The following ABCC4 variants were observed in gnomAD, a reference collection of about 807,000 sequenced individuals.
ABCC4 encodes ATP binding cassette subfamily C member 4 (PEL blood group).
Under a neutral mutation model 168.5 loss-of-function variants are expected in ABCC4, and 102 were observed. The ratio of observed to expected loss-of-function variants is 0.61; its 90% CI spans 0.52 to 0.71. The LOEUF is 0.71. Among genes scored for constraint, ABCC4 ranks in the 30% least tolerant of loss-of-function variants. ABCC4 has a pLI of 0.00. For synonymous variants in ABCC4, 617 were observed against 590.7 expected, an observed-to-expected ratio of 1.04 and a Z score of -0.65; for missense variants, 1,402 against 1,605.8, an observed-to-expected ratio of 0.87 and a Z score of 2.17.
chr13:95,250,936 T>C (rs1342645368), intron 1 of ABCC4, among the ~76,000 whole-genome samples: 1 of 151,968 alleles, frequency 6.6e-6, no homozygotes, highest in Non-Finnish European at 1.5e-5. Flanking sequence ...TACAGGCACA[T>C]GCCACTGTGC....
At chr13:95,278,343 G>A (rs2041024910) in intron 1 of ABCC4, among the ~76,000 whole-genome samples, 1 of 152,102 alleles carries the variant, frequency 6.6e-6, no homozygotes, top group Non-Finnish European at 1.5e-5. Flanking sequence ...GATACTCTTA[G>A]GAGTGAAAGG....
At chr13:95,143,527 C>T (rs1366298244) in intron 19 of ABCC4, among the ~76,000 whole-genome samples, 2 of 152,124 alleles carry the variant, frequency 1.3e-5, no homozygotes, top group Non-Finnish European at 2.9e-5. Flanking sequence ...CTCTTTCTCT[C>T]CTTTTTATTA....
At chr13:95,057,001 T>TA (rs1273580346) in intron 26 of ABCC4, among the ~76,000 whole-genome samples, 1 of 152,172 alleles carries the variant, frequency 6.6e-6, no homozygotes, top group Non-Finnish European at 1.5e-5. Context: ...TAATCCATCC[T>TA]AAAAAAAGTT....
chr13:95,119,801 G>A (rs370484495), intron 19 of ABCC4, among the ~76,000 whole-genome samples: 59 of 152,164 alleles, frequency 3.9e-4, no homozygotes, highest in East Asian at 3.3e-3. Context: ...CATATTTTAC[G>A]TCTCATAAAA....
Position 95,234,693 on chromosome 13 carries a change from T to A in ABCC4, c.448A>T (p.Ile150Leu). The A allele has an allele frequency of 6.2e-7, 1 of 1,614,134 alleles. No individual in the cohort carries two copies. Among genetic ancestry groups the A allele is most frequent in the South Asian group, 1.1e-5 (1 of 91,072 alleles). The change falls in exon 4 of 31, where the codon ATA becomes TTA. Residue 150 changes from isoleucine to leucine, a missense_variant. Ile to Leu is a conservative substitution (Grantham distance 5). This residue lies in a region of ABCC4 where 317 missense variants were observed against 345.5 expected (regional missense o/e 0.92). Coordinates refer to ENST00000645237, the MANE Select transcript of ABCC4 (RefSeq NM_005845.5). ...TGATAAAAATATAAGTGATGCAGTA[T>A]AGCCAAAATGAGCGTGCAAAAAGTC... ...VLTFCTLILA[I>L]LHHLYFYHVQ...
intron 16 of ABCC4, among the ~76,000 whole-genome samples, 172 bp downstream of exon 16, chr13:95,164,206 C>T (rs1729762): frequency 0.034 from 5,172 of 151,482 alleles, 267 homozygotes; most frequent in African/African-American, 0.11. Flanking sequence ...ACCCTTTTTT[C>T]GCAGGTCTTT....
chr13:95,070,617 CTCTGGTGCCTTT>C (rs2033691776), intron 25 of ABCC4, among the ~76,000 whole-genome samples: 1 of 152,172 alleles, frequency 6.6e-6, no homozygotes, highest in Non-Finnish European at 1.5e-5. Flanking sequence ...TTGAGTGAGT[CTCTGGTGCCTTT>C]ACTGCCTCCA....
intron 1 of ABCC4, among the ~76,000 whole-genome samples, chr13:95,293,049 C>T (rs957334434): frequency 6.6e-6 from 1 of 152,120 alleles, no homozygotes; most frequent in Non-Finnish European, 1.5e-5. Flanking sequence ...TCAGGCAACA[C>T]TTTCTCCAAC....
intron 20 of ABCC4, among the ~76,000 whole-genome samples, chr13:95,106,352 C>G (rs942052524): frequency 6.8e-6 from 1 of 147,916 alleles, no homozygotes; most frequent in Non-Finnish European, 1.5e-5. Context: ...TATATATGTG[C>G]GCGTATATAT....
intron 20 of ABCC4, among the ~76,000 whole-genome samples, chr13:95,092,533 A>G (rs1223127661): frequency 6.6e-6 from 1 of 152,222 alleles, no homozygotes; most frequent in African/African-American, 2.4e-5. Context: ...ACTGAATGAC[A>G]ATAATGACAC....
intron 25 of ABCC4, among the ~76,000 whole-genome samples, chr13:95,071,222 T>C (rs1211019900): frequency 2.6e-5 from 4 of 152,202 alleles, no homozygotes; most frequent in African/African-American, 4.8e-5. Flanking sequence ...GTCTTGGGTA[T>C]ACCTTTATCA....
chr13:95,170,014 G>T (rs965640718), intron 14 of ABCC4, among the ~76,000 whole-genome samples: 2 of 152,112 alleles, frequency 1.3e-5, no homozygotes, highest in African/African-American at 4.8e-5. Flanking sequence ...GCACCATCAT[G>T]CTGGGCTAAT....
intron 27 of ABCC4, among the ~76,000 whole-genome samples, chr13:95,045,196 G>A (rs1045947861): frequency 6.6e-5 from 10 of 152,180 alleles, no homozygotes; most frequent in Non-Finnish European, 1.2e-4. Flanking sequence ...AAGGTGAAAG[G>A]ATCTTTCTGG....
At chr13:95,096,884 T>C (rs1372895328) in intron 20 of ABCC4, among the ~76,000 whole-genome samples, 11 of 152,110 alleles carry the variant, frequency 7.2e-5, no homozygotes, top group African/African-American at 2.4e-4. Context: ...AGGACAAATA[T>C]GTGAATAAAT....
chr13:95,301,332 G>A lies in ABCC4; in HGVS notation c.-18C>T. The A allele has an allele frequency of 6.3e-7, 1 of 1,575,170 alleles. No homozygotes were observed. Among genetic ancestry groups the A allele is most frequent in the South Asian group, 1.2e-5 (1 of 86,362 alleles). ...GGCAGCATCTTGCCGGGCGGGGCGG[G>A]CGCGGGCCGGGGTCGCGCTGATCAG... On this transcript the variant is annotated 5_prime_UTR_variant, in exon 1 of 31. Coordinates refer to ENST00000645237, the MANE Select transcript of ABCC4 (RefSeq NM_005845.5).
At chr13:95,056,152 G>C (rs1431165445) in intron 26 of ABCC4, among the ~76,000 whole-genome samples, 1 of 152,114 alleles carries the variant, frequency 6.6e-6, no homozygotes, top group Non-Finnish European at 1.5e-5. Flanking sequence ...GCAGGACAAA[G>C]CACAATACTT....
intron 24 of ABCC4, 128 bp downstream of exon 24, chr13:95,073,076 G>T: frequency 1.5e-6 from 1 of 650,430 alleles, no homozygotes; most frequent in Non-Finnish European, 2.6e-6. Flanking sequence ...GATGGAGGAA[G>T]GATCTTAAAA....
chr13:95,154,020 A>G (rs2036776579), intron 19 of ABCC4, among the ~76,000 whole-genome samples: 1 of 152,188 alleles, frequency 6.6e-6, no homozygotes, highest in Non-Finnish European at 1.5e-5. Context: ...TGATAACCCG[A>G]CAGGATTTAA....
At chr13:95,073,375 A>G (rs946730331) in intron 23 of ABCC4, 71 bp from the exon 24 acceptor site, 8 of 996,538 alleles carry the variant, frequency 8.0e-6, no homozygotes, top group Admixed American at 2.1e-5. Context: ...TCTGCCACTT[A>G]CCAAGAGGAA....
Sources: allele counts gnomAD v4.1 joint callset (sites outside exome capture counted in the v4.1 genomes callset), GRCh38; gene constraint gnomAD v4.1.1; regional missense constraint gnomAD v4.1.1; transcripts MANE v1.5; gene names NCBI Gene and HGNC (gene_info 2026-07-23, HGNC 2026-07-21).